LARGE1: variants seen among roughly 807,000 people sequenced by gnomAD.
LARGE1 encodes the protein xylosyl- and glucuronyltransferase LARGE1.
A neutral mutation model predicts 87.6 loss-of-function variants in LARGE1; 43 were observed. That is an observed-to-expected ratio of 0.49 (90% confidence interval 0.38 to 0.63). The LOEUF is 0.63. LARGE1 is among the 30% of genes least tolerant of loss of function. The pLI is 0.00. For synonymous variants in LARGE1, 434 were observed against 394.6 expected, an observed-to-expected ratio of 1.10 and a Z score of -1.18; for missense variants, 802 against 1,000.2, an observed-to-expected ratio of 0.80 and a Z score of 2.67.
intron 9 of LARGE1, among the ~76,000 whole-genome samples, chr22:33,380,281 T>C (rs553504251): frequency 6.6e-6 from 1 of 152,174 alleles, no homozygotes. Flanking sequence ...AACAAGCACA[T>C]GATATACAGA....
At chr22:33,452,511 G>A (rs1470200204) in intron 6 of LARGE1, among the ~76,000 whole-genome samples, 2 of 152,184 alleles carry the variant, frequency 1.3e-5, no homozygotes, top group African/African-American at 4.8e-5. Context: ...CACATAAAGA[G>A]GCTGTTGTCA....
chr22:33,609,608 A>G (rs1310040388), intron 4 of LARGE1, among the ~76,000 whole-genome samples: 1 of 152,200 alleles, frequency 6.6e-6, no homozygotes, highest in African/African-American at 2.4e-5. Flanking sequence ...CCACTGACAT[A>G]TGGATTTTTT....
At chr22:33,858,143 A>G (rs907541786) in intron 1 of LARGE1, among the ~76,000 whole-genome samples, 29 of 152,196 alleles carry the variant, frequency 1.9e-4, no homozygotes, top group Non-Finnish European at 4.4e-5. Flanking sequence ...CTCGATTAGG[A>G]TGAACCCAGG....
At chr22:33,758,635 G>T (rs1342604151) in intron 2 of LARGE1, among the ~76,000 whole-genome samples, 1 of 152,158 alleles carries the variant, frequency 6.6e-6, no homozygotes, top group Non-Finnish European at 1.5e-5. Flanking sequence ...TGCCAGTCTG[G>T]TGAAATTGCT....
At chr22:33,806,997 A>C in intron 1 of LARGE1, among the ~76,000 whole-genome samples, 1 of 143,538 alleles carries the variant, frequency 7.0e-6, no homozygotes, top group East Asian at 2.1e-4. Flanking sequence ...CGACACAGTG[A>C]GACTCCGTCT....
chr22:33,691,591 C>T (rs2082102008), intron 2 of LARGE1, among the ~76,000 whole-genome samples: 1 of 152,202 alleles, frequency 6.6e-6, no homozygotes. Context: ...CTGCTCACAT[C>T]CATACATCTC....
chr22:33,646,366 G>C (rs182139641), intron 3 of LARGE1, among the ~76,000 whole-genome samples: 1 of 152,034 alleles, frequency 6.6e-6, no homozygotes, highest in Non-Finnish European at 1.5e-5. Flanking sequence ...GTTCTCTCTC[G>C]TAAGTGGGAG....
At chr22:33,782,894 AAAAAAG>A (rs1279643686) in intron 1 of LARGE1, among the ~76,000 whole-genome samples, 1 of 150,540 alleles carries the variant, frequency 6.6e-6, no homozygotes, top group African/African-American at 2.4e-5. Context: ...TAAAAAAAAA[AAAAAAG>A]AGAGAGAGAG....
At position 33,785,034 on chromosome 22, in the gene LARGE1, C is replaced by G. The variant is rs187884490; in HGVS notation, c.-82-23476G>C. On this transcript the variant is annotated intron_variant, in intron 1 of 14. Coordinates refer to ENST00000397394, the MANE Select transcript of LARGE1 (RefSeq NM_133642.5). ...GTGTATACATACATATGTGTATATA[C>G]ATATATGTGTATACATACATGTGTA... Among the ~76,000 whole-genome samples the G allele has an allele frequency of 3.0e-4, 44 of 145,380 alleles. 5 individuals are homozygous for G. The highest frequency in any genetic ancestry group is 1.2e-3 in the East Asian group (6 of 4,966).
the LARGE1 span, among the ~76,000 whole-genome samples, chr22:33,092,577 C>T: frequency 1.3e-5 from 2 of 152,058 alleles, no homozygotes; most frequent in African/African-American, 2.4e-5. Flanking sequence ...AGGTATTAAG[C>T]CCTGCATGCA....
the LARGE1 span, among the ~76,000 whole-genome samples, chr22:33,131,252 A>G: frequency 6.6e-6 from 1 of 152,068 alleles, no homozygotes; most frequent in African/African-American, 2.4e-5. Context: ...TAAAACCTAC[A>G]AAGTTTCTAC....
At position 33,752,850 on chromosome 22, in the gene LARGE1, G is replaced by A. The variant is rs550681571; in HGVS notation, c.106+8521C>T. ...AATATGTCATCTTCCATGGCCAACA[G>A]GGCTTCGCCAGTACCATTAAATTAA... On this transcript the variant is annotated intron_variant, in intron 2 of 14. Transcript: ENST00000397394. Among the ~76,000 whole-genome samples, 10 of 152,316 alleles carry A rather than the reference G, an allele frequency of 6.6e-5. 2 individuals carry two copies. The highest frequency in any genetic ancestry group is 2.2e-4 in the African/African-American group (9 of 41,562).
In LARGE1 at chr22:33,208,129, G is replaced by T. The variant is rs558352188; in HGVS notation, c.1731-41297C>A. ...CTCCGTTTCAGGGCACTAGCTTCCA[G>T]TATCACCAACACGTCTATTTACCAT... On this transcript the variant is annotated intron_variant, in intron 11 of 11. Coordinates refer to the LARGE1 transcript ENST00000608642. 2.2e-4 allele frequency among the ~76,000 whole-genome samples: 34 copies of T among 152,278 alleles called. 1 individual carries two copies. Among genetic ancestry groups the T allele is most frequent in the African/African-American group, 7.7e-4 (32 of 41,560 alleles).
intron 1 of LARGE1, among the ~76,000 whole-genome samples, chr22:33,809,877 G>A (rs1185912975): frequency 6.6e-6 from 1 of 151,110 alleles, no homozygotes; most frequent in Non-Finnish European, 1.5e-5. Flanking sequence ...CCAGAAGCTT[G>A]TGTTAAAAAA....
chr22:33,346,172 C>T (rs561161719), intron 9 of LARGE1, among the ~76,000 whole-genome samples: 1 of 152,098 alleles, frequency 6.6e-6, no homozygotes, highest in African/African-American at 2.4e-5. Context: ...TGTGCTCTCC[C>T]CCTTGCTAGA....
rs537182666 is a variant in LARGE1 at position 33,827,428 on chromosome 22, C to G, written c.-82-65870G>C. On this transcript the variant is annotated intron_variant, in intron 1 of 14. Transcript: ENST00000397394. ...TACCCTCCTCGCCCCTCTGTCCCCC[C>G]GCCAAAAAAATACACATAAACTTTT... Among the ~76,000 whole-genome samples the G allele has an allele frequency of 5.9e-5, 9 of 152,042 alleles. No individual in the cohort carries two copies. The South Asian group carries it at 1.9e-3, about 32-fold the overall frequency.
At chr22:33,575,575 A>C (rs2078329076) in intron 5 of LARGE1, among the ~76,000 whole-genome samples, 1 of 152,192 alleles carries the variant, frequency 6.6e-6, no homozygotes, top group South Asian at 2.1e-4. Flanking sequence ...CTTAGAAGGA[A>C]ATGTTGAGAG....
chr22:33,165,838 C>T (rs367858521), exon 12 of LARGE1: 1 of 152,110 alleles, frequency 6.6e-6, no homozygotes, highest in Non-Finnish European at 1.5e-5. Context: ...TCCATCATTG[C>T]TTCAGAAAAA....
intron 6 of LARGE1, among the ~76,000 whole-genome samples, chr22:33,554,240 C>G (rs1341733396): frequency 1.3e-5 from 2 of 152,014 alleles, no homozygotes; most frequent in African/African-American, 4.8e-5. Flanking sequence ...ATCCTGCCCC[C>G]ATCCAATGAG....
Sources: allele counts gnomAD v4.1 joint callset (sites outside exome capture counted in the v4.1 genomes callset), GRCh38; gene constraint gnomAD v4.1.1; transcripts MANE v1.5; gene names NCBI Gene and HGNC (gene_info 2026-07-23, HGNC 2026-07-21).